Variants in SPATA6L observed in about 807,000 individuals in gnomAD.
SPATA6L encodes spermatogenesis associated 6-like protein.
In SPATA6L, 68 loss-of-function variants were observed where a neutral mutation model predicts 49.2. The observed-to-expected ratio is 1.38, with a 90% CI of 1.14 to 1.69. SPATA6L has a LOEUF of 1.69. Among genes scored for constraint, SPATA6L ranks in the 40% most tolerant of loss-of-function variants. The probability of loss-of-function intolerance (pLI) is 0.00; values close to 1 mark genes in which losing one functional copy is unlikely to be tolerated. For synonymous variants in SPATA6L, 198 were observed against 165.7 expected, an observed-to-expected ratio of 1.19 and a Z score of -1.50; for missense variants, 668 against 464.3, an observed-to-expected ratio of 1.44 and a Z score of -4.03.
intron 4 of SPATA6L, among the ~76,000 whole-genome samples, chr9:4,630,394 G>C (rs192177781): frequency 1.2e-4 from 18 of 152,278 alleles, no homozygotes; most frequent in African/African-American, 4.3e-4. Flanking sequence ...TGGCACCACA[G>C]GGACAGGACC....
chr9:4,635,923 G>A (rs3901462), intron 3 of SPATA6L, among the ~76,000 whole-genome samples: 9,776 of 152,244 alleles, frequency 0.064, 504 homozygotes, highest in Admixed American at 0.15. Flanking sequence ...AGCCAGAGGT[G>A]TGAGGGAGTT....
chr9:4,656,505 G>GAA (rs1838260315), intron 2 of SPATA6L, among the ~76,000 whole-genome samples: 3 of 130,778 alleles, frequency 2.3e-5, no homozygotes, highest in African/African-American at 1.1e-4. Flanking sequence ...AGGAAGGAAG[G>GAA]GAGGAGCCGT....
intron 3 of SPATA6L, 107 bp from the exon 4 acceptor site, chr9:4,635,506 G>C: frequency 9.2e-7 from 1 of 1,087,630 alleles, no homozygotes; most frequent in Non-Finnish European, 1.3e-6. Flanking sequence ...GGTAAAAATA[G>C]ACATATTGAT....
At chr9:4,658,323 T>C (rs1366826867) in intron 2 of SPATA6L, among the ~76,000 whole-genome samples, 5 of 152,212 alleles carry the variant, frequency 3.3e-5, no homozygotes, top group African/African-American at 9.6e-5. Context: ...TTGACCCAAA[T>C]GCTTCAGAAA....
chr9:4,666,161 T>A, intron 1 of SPATA6L, 51 bp downstream of exon 1: 3 of 1,593,590 alleles, frequency 1.9e-6, no homozygotes, highest in Non-Finnish European at 2.6e-6. Context: ...CACCTGAGAC[T>A]ATTTAGAGTC....
chr9:4,602,522 A>G (rs2130056345), intron 11 of SPATA6L, among the ~76,000 whole-genome samples: 1 of 152,322 alleles, frequency 6.6e-6, no homozygotes, highest in East Asian at 1.9e-4. Flanking sequence ...ACAGACTTTC[A>G]GGAGCCTGAC....
At chr9:4,592,542 C>A (rs536579574) in intron 13 of SPATA6L, among the ~76,000 whole-genome samples, 2 of 152,154 alleles carry the variant, frequency 1.3e-5, no homozygotes, top group Non-Finnish European at 2.9e-5. Flanking sequence ...ACAAATAGAT[C>A]GCTCAGCCAT....
At chr9:4,605,779 T>C (rs1025267887) in intron 9 of SPATA6L, among the ~76,000 whole-genome samples, 1 of 152,210 alleles carries the variant, frequency 6.6e-6, no homozygotes, top group Admixed American at 6.5e-5. Flanking sequence ...CTTTTTAATA[T>C]AAAATTTAAA....
At chr9:4,610,067 T>C (rs1826297391) in intron 9 of SPATA6L, among the ~76,000 whole-genome samples, 2 of 151,910 alleles carry the variant, frequency 1.3e-5, no homozygotes, top group South Asian at 2.1e-4. Context: ...GAGAATAAAA[T>C]ACCTAGGAAT....
At chr9:4,609,626 G>A (rs1469210667) in intron 9 of SPATA6L, among the ~76,000 whole-genome samples, 1 of 151,446 alleles carries the variant, frequency 6.6e-6, no homozygotes, top group Non-Finnish European at 1.5e-5. Flanking sequence ...CAATAAATTA[G>A]GTATTGATGG....
intron 9 of SPATA6L, among the ~76,000 whole-genome samples, chr9:4,607,786 A>G (rs1446308424): frequency 6.6e-6 from 1 of 152,180 alleles, no homozygotes; most frequent in East Asian, 1.9e-4. Context: ...TCAAATTCAC[A>G]CATAACAATA....
At chr9:4,610,927 C>T (rs1353475286) in intron 9 of SPATA6L, among the ~76,000 whole-genome samples, 1 of 149,212 alleles carries the variant, frequency 6.7e-6, no homozygotes, top group Non-Finnish European at 1.5e-5. Context: ...CCAGAATCTA[C>T]AATGAACTCA....
intron 1 of SPATA6L, 58 bp downstream of exon 1, chr9:4,666,154 C>G: frequency 1.3e-6 from 2 of 1,572,516 alleles, no homozygotes; most frequent in Non-Finnish European, 1.8e-6. Context: ...TGAAAACCAC[C>G]TGAGACTATT....
rs1172429370 is a variant in SPATA6L at position 4,600,739 on chromosome 9, C to CT, written c.*71dup. On this transcript the variant is annotated 3_prime_UTR_variant, in exon 12 of 12. Coordinates refer to ENST00000682582, the MANE Select transcript of SPATA6L (RefSeq NM_001353486.2). ...CACAGACAACAAAAAGTGTTCATTT[C>CT]TTTAAGGATGCTTCAATTGTCTCAG... 2 of 152,204 alleles carry CT rather than the reference C, an allele frequency of 1.3e-5. No individual in the cohort carries two copies. The allele number at this position is 152,204 out of a possible 1,614,324, so 9.4% of individuals were successfully genotyped here.
At chr9:4,620,246 T>C (rs1293536595) in intron 7 of SPATA6L, among the ~76,000 whole-genome samples, 1 of 152,058 alleles carries the variant, frequency 6.6e-6, no homozygotes, top group Non-Finnish European at 1.5e-5. Flanking sequence ...ATTCATAACA[T>C]GTGGTCTCAT....
intron 9 of SPATA6L, among the ~76,000 whole-genome samples, chr9:4,612,428 G>A (rs532645189): frequency 6.6e-6 from 1 of 152,070 alleles, no homozygotes; most frequent in East Asian, 1.9e-4. Flanking sequence ...TGGCAACACT[G>A]TTCTCTCTTC....
chr9:4,644,864 G>C (rs1834996915), intron 3 of SPATA6L, among the ~76,000 whole-genome samples: 1 of 152,164 alleles, frequency 6.6e-6, no homozygotes, highest in Admixed American at 6.5e-5. Flanking sequence ...CATAGCAAAA[G>C]TACCACAGAA....
intron 4 of SPATA6L, among the ~76,000 whole-genome samples, chr9:4,634,505 G>A (rs2130559384): frequency 6.6e-6 from 1 of 152,244 alleles, no homozygotes; most frequent in South Asian, 2.1e-4. Context: ...GGTCCTGACT[G>A]TTATATTAAA....
rs189786971 is a variant in SPATA6L at position 4,644,101 on chromosome 9, C to T, written c.227-8702G>A. 2.7e-5 allele frequency among the ~76,000 whole-genome samples: 4 copies of T among 147,184 alleles called. No homozygotes were observed. In the South Asian group the frequency reaches 6.4e-4, roughly 24 times the overall value. ...GTGGCTCATGCCTATAAACCCAGCACTTTGGGTGGCCAAGGTGGGAGAATC... is the reference window on the plus strand; with the variant it reads ...GTGGCTCATGCCTATAAACCCAGCATTTTGGGTGGCCAAGGTGGGAGAATC... On this transcript the variant is annotated intron_variant, in intron 3 of 11. Coordinates refer to ENST00000682582, the MANE Select transcript of SPATA6L (RefSeq NM_001353486.2).
Sources: allele counts gnomAD v4.1 joint callset (sites outside exome capture counted in the v4.1 genomes callset), GRCh38; gene constraint gnomAD v4.1.1; transcripts MANE v1.5; gene names NCBI Gene and HGNC (gene_info 2026-07-23, HGNC 2026-07-21).